The following SLC2A13 variants were observed in gnomAD, a reference collection of about 807,000 sequenced individuals.
SLC2A13 encodes solute carrier family 2 member 13, also known as proton myo-inositol cotransporter.
A neutral mutation model predicts 64.4 loss-of-function variants in SLC2A13; 32 were observed. The observed-to-expected ratio is 0.50, with a 90% CI of 0.37 to 0.67. SLC2A13 has a LOEUF of 0.67. SLC2A13 is among the 30% of genes least tolerant of loss of function. The probability of loss-of-function intolerance (pLI) is 0.00; values close to 1 mark genes in which losing one functional copy is unlikely to be tolerated. For missense variants in SLC2A13, 743 were observed against 829.2 expected (o/e 0.90, Z 1.28); for synonymous variants, 338 against 327.1 (o/e 1.03, Z -0.36).
intron 6 of SLC2A13, among the ~76,000 whole-genome samples, chr12:39,831,791 A>G (rs1219601836): frequency 2.0e-5 from 3 of 152,066 alleles, no homozygotes; most frequent in Non-Finnish European, 1.5e-5. Flanking sequence ...TCCCACTTTC[A>G]CTATGTGAGG....
intron 1 of SLC2A13, among the ~76,000 whole-genome samples, chr12:40,082,886 G>C (rs1196781075): frequency 6.6e-6 from 1 of 152,126 alleles, no homozygotes; most frequent in Non-Finnish European, 1.5e-5. Context: ...ATAAGTCCTG[G>C]TGCTCAGCAA....
At chr12:39,896,192 A>C (rs1370383246) in intron 4 of SLC2A13, among the ~76,000 whole-genome samples, 3 of 147,646 alleles carry the variant, frequency 2.0e-5, no homozygotes, top group Non-Finnish European at 4.5e-5. Flanking sequence ...ATATGTATAT[A>C]TGTGTATGTA....
chr12:40,013,628 T>C (rs1947570198), intron 3 of SLC2A13, among the ~76,000 whole-genome samples: 1 of 152,222 alleles, frequency 6.6e-6, no homozygotes, highest in Admixed American at 6.5e-5. Context: ...AACCACTATC[T>C]AAATCTACAA....
intron 7 of SLC2A13, among the ~76,000 whole-genome samples, chr12:39,810,685 G>A (rs1053205833): frequency 2.6e-5 from 4 of 152,022 alleles, no homozygotes; most frequent in Non-Finnish European, 4.4e-5. Flanking sequence ...TATCATGAAT[G>A]GATTAGGAAT....
intron 4 of SLC2A13, among the ~76,000 whole-genome samples, chr12:39,902,619 G>A (rs910504114): frequency 6.6e-6 from 1 of 151,998 alleles, no homozygotes; most frequent in African/African-American, 2.4e-5. Context: ...TCTAGAAAAA[G>A]ATGTGTCTAA....
chr12:39,767,125 A>G (rs909484959), intron 7 of SLC2A13, among the ~76,000 whole-genome samples: 5 of 152,036 alleles, frequency 3.3e-5, no homozygotes, highest in African/African-American at 4.8e-5. Flanking sequence ...CTATGGCCTT[A>G]TGAAATGCAT....
At chr12:39,864,364 T>G (rs965595356) in intron 6 of SLC2A13, among the ~76,000 whole-genome samples, 4 of 152,228 alleles carry the variant, frequency 2.6e-5, no homozygotes, top group African/African-American at 9.6e-5. Context: ...GTCAGAATAT[T>G]CAGAGGGCAT....
intron 6 of SLC2A13, among the ~76,000 whole-genome samples, chr12:39,846,983 G>C (rs1054029567): frequency 3.3e-5 from 5 of 152,268 alleles, no homozygotes; most frequent in Admixed American, 6.5e-5. Context: ...ACAAAAGGTA[G>C]CTGTTTCACT....
intron 7 of SLC2A13, among the ~76,000 whole-genome samples, chr12:39,766,681 C>T (rs1029569449): frequency 4.6e-5 from 7 of 152,214 alleles, no homozygotes; most frequent in African/African-American, 1.4e-4. Context: ...ACTGCTTTGT[C>T]AACTAAGTTC....
At chr12:39,800,123 A>G (rs1382033929) in intron 7 of SLC2A13, among the ~76,000 whole-genome samples, 1 of 152,322 alleles carries the variant, frequency 6.6e-6, no homozygotes, top group East Asian at 1.9e-4. Context: ...GGGCAACTCT[A>G]AAACTGCCAT....
At chr12:39,980,166 G>A (rs1234957653) in intron 3 of SLC2A13, among the ~76,000 whole-genome samples, 2 of 151,338 alleles carry the variant, frequency 1.3e-5, no homozygotes, top group African/African-American at 2.4e-5. Flanking sequence ...AAGAGCTCCT[G>A]AAGGAAGCGC....
intron 4 of SLC2A13, among the ~76,000 whole-genome samples, chr12:39,898,485 T>A (rs1944988267): frequency 7.6e-6 from 1 of 132,020 alleles, no homozygotes; most frequent in Admixed American, 7.9e-5. Context: ...TCAGTAGTTC[T>A]ATAGTAGCCA....
chr12:39,966,772 G>C (rs185728577), intron 3 of SLC2A13, among the ~76,000 whole-genome samples: 1 of 152,250 alleles, frequency 6.6e-6, no homozygotes, highest in East Asian at 1.9e-4. Context: ...GAATTCGAAA[G>C]ATACGTCTCC....
chr12:39,838,132 A>G (rs1378165712), intron 6 of SLC2A13, among the ~76,000 whole-genome samples: 1 of 147,882 alleles, frequency 6.8e-6, no homozygotes, highest in Non-Finnish European at 1.5e-5. Context: ...AAAATGTGGC[A>G]CATATACACC....
rs879554208 is a variant in SLC2A13 at position 39,850,902 on chromosome 12, AT to A, written c.1319+13859del. Among the ~76,000 whole-genome samples, 498 of 144,654 alleles carry A rather than the reference AT, an allele frequency of 3.4e-3. 1 individual carries two copies. Among genetic ancestry groups the A allele is most frequent in the African/African-American group, 5.0e-3 (200 of 39,680 alleles). The allele number at this position is 144,654 out of a possible 152,430, so 94.9% of individuals were successfully genotyped here. On this transcript the variant is annotated intron_variant, in intron 6 of 9. Coordinates refer to ENST00000280871, the MANE Select transcript of SLC2A13 (RefSeq NM_052885.4). ...TGAATATTTAGGCCCCACAAAGTTAATTTTTTTTTTTTTTTGAGATGGAGTC... is the reference window on the plus strand; with the variant it reads ...TGAATATTTAGGCCCCACAAAGTTAATTTTTTTTTTTTTTGAGATGGAGTC...
chr12:39,984,329 T>TA lies in SLC2A13; in HGVS notation c.926-32965dup, dbSNP rs1044176500. Among the ~76,000 whole-genome samples, 192 of 144,012 alleles carry TA rather than the reference T, an allele frequency of 1.3e-3. 2 individuals carry two copies. Among genetic ancestry groups the TA allele is most frequent in the African/African-American group, 4.0e-3 (158 of 39,266 alleles). 94.5% of individuals were successfully genotyped at this position (144,012 alleles called of 152,430 possible). A position where few individuals can be genotyped will look rare whatever the true frequency, so the allele number is the denominator to read the frequency against. On this transcript the variant is annotated intron_variant, in intron 3 of 9. Transcript: ENST00000280871. ...ATGTACCCTAAAACTTAAAGTATAA[T>TA]AAAAAAAAAAGTGCTTATAAAATAT... is the stretch of plus-strand genomic sequence containing the variant.
chr12:39,760,906 T>C (rs4238073), intron 9 of SLC2A13, among the ~76,000 whole-genome samples: 122,546 of 147,128 alleles, frequency 0.83, 50,738 homozygotes, highest in African/African-American at 0.84. Flanking sequence ...TTTAAAATAA[T>C]TGAATTCCGA....
intron 3 of SLC2A13, among the ~76,000 whole-genome samples, chr12:39,962,393 G>C (rs1946430203): frequency 6.6e-6 from 1 of 152,154 alleles, no homozygotes; most frequent in Admixed American, 6.5e-5. Context: ...GCCCAGCCAT[G>C]GGTTACTCTT....
intron 1 of SLC2A13, among the ~76,000 whole-genome samples, chr12:40,078,292 T>C (rs1361723437): frequency 6.6e-6 from 1 of 152,232 alleles, no homozygotes; most frequent in Non-Finnish European, 1.5e-5. Context: ...GGGTCTGTCA[T>C]AAATGGCTCT....
Sources: gnomAD v4.1 joint callset for allele counts (sites outside exome capture counted in the v4.1 genomes callset) on GRCh38, gnomAD v4.1.1 for gene constraint, MANE v1.5 for transcripts, NCBI Gene and HGNC (gene_info 2026-07-23, HGNC 2026-07-21) for gene names.